ZBBX: variants seen among roughly 807,000 people sequenced by gnomAD.
The protein encoded by ZBBX is zinc finger B-box domain-containing protein 1.
A neutral mutation model predicts 108.5 loss-of-function variants in ZBBX; 101 were observed. That is an observed-to-expected ratio of 0.93 (90% CI 0.79 to 1.10). The LOEUF is 1.10. Among genes scored for constraint, ZBBX ranks in the 50% least tolerant of loss-of-function variants. The probability of loss-of-function intolerance (pLI) is 0.00; values close to 1 mark genes in which losing one functional copy is unlikely to be tolerated. For synonymous variants in ZBBX, 356 were observed against 323.4 expected, an observed-to-expected ratio of 1.10 and a Z score of -1.08; for missense variants, 1,009 against 941.4, an observed-to-expected ratio of 1.07 and a Z score of -0.94.
At chr3:167,201,935 T>C in the ZBBX span, among the ~76,000 whole-genome samples, 2 of 152,172 alleles carry the variant, frequency 1.3e-5, no homozygotes, top group Admixed American at 1.3e-4. Flanking sequence ...CACCAATGTA[T>C]GCATTATCTG....
chr3:167,181,870 G>C, the ZBBX span, among the ~76,000 whole-genome samples: 2 of 152,246 alleles, frequency 1.3e-5, no homozygotes, highest in East Asian at 3.9e-4. Flanking sequence ...ACTCCTGTTG[G>C]CACTTTTTGT....
At chr3:167,259,423 CTGTT>C (rs1724075378) in intron 20 of ZBBX, among the ~76,000 whole-genome samples, 1 of 152,000 alleles carries the variant, frequency 6.6e-6, no homozygotes, top group Non-Finnish European at 1.5e-5. Flanking sequence ...GAAGAACCAC[CTGTT>C]TGTTTCATTT....
At chr3:167,333,595 A>G (rs1027424985) in intron 10 of ZBBX, among the ~76,000 whole-genome samples, 1 of 152,226 alleles carries the variant, frequency 6.6e-6, no homozygotes, top group African/African-American at 2.4e-5. Flanking sequence ...CCAGAAAGAC[A>G]TATGGTCAAA....
intron 11 of ZBBX, among the ~76,000 whole-genome samples, chr3:167,326,172 C>T (rs1239861601): frequency 6.6e-6 from 1 of 152,040 alleles, no homozygotes; most frequent in Non-Finnish European, 1.5e-5. Context: ...TAAATCATGC[C>T]ATATAGAATA....
the ZBBX span, among the ~76,000 whole-genome samples, chr3:167,198,537 A>T: frequency 6.6e-6 from 1 of 152,190 alleles, no homozygotes; most frequent in Non-Finnish European, 1.5e-5. Context: ...TGGCTATTTC[A>T]AACAGAAAAA....
chr3:167,403,194 C>T (rs560745595), intron 1 of ZBBX, among the ~76,000 whole-genome samples: 1 of 152,090 alleles, frequency 6.6e-6, no homozygotes, highest in Admixed American at 6.6e-5. Flanking sequence ...TAACGGGTAC[C>T]ACAGTAAAGA....
intron 19 of ZBBX, among the ~76,000 whole-genome samples, chr3:167,285,756 G>T (rs940917061): frequency 6.6e-6 from 1 of 152,020 alleles, no homozygotes; most frequent in Non-Finnish European, 1.5e-5. Flanking sequence ...CAGGATTGGG[G>T]TATTCAAAAG....
At chr3:167,179,832 A>ATG in the ZBBX span, among the ~76,000 whole-genome samples, 1 of 152,228 alleles carries the variant, frequency 6.6e-6, no homozygotes, top group African/African-American at 2.4e-5. Flanking sequence ...CAATTAGTTA[A>ATG]TTTCAAAAAC....
chr3:167,294,502 A>C (rs1731284565), intron 18 of ZBBX, among the ~76,000 whole-genome samples: 1 of 152,158 alleles, frequency 6.6e-6, no homozygotes, highest in Admixed American at 6.6e-5. Context: ...TAGGCATAAA[A>C]CTGAAACTGG....
chr3:167,234,744 C>T, the ZBBX span, among the ~76,000 whole-genome samples: 1 of 151,730 alleles, frequency 6.6e-6, no homozygotes, highest in Non-Finnish European at 1.5e-5. Flanking sequence ...ATCCACTTTC[C>T]TCATCTTCTC....
At chr3:167,384,710 A>T (rs1054219666), upstream of ZBBX, among the ~76,000 whole-genome samples, 4 of 152,028 alleles carry the variant, frequency 2.6e-5, no homozygotes, top group Non-Finnish European at 4.4e-5. Context: ...AAATAGACCA[A>T]TATAAAACCC....
At chr3:167,277,127 C>T (rs1038293663) in intron 20 of ZBBX, among the ~76,000 whole-genome samples, 16 of 151,998 alleles carry the variant, frequency 1.1e-4, no homozygotes, top group Non-Finnish European at 1.9e-4. Context: ...CCGGTACCAG[C>T]TGCTGCAAAA....
At chr3:167,185,285 A>G in the ZBBX span, among the ~76,000 whole-genome samples, 1 of 152,218 alleles carries the variant, frequency 6.6e-6, no homozygotes, top group Non-Finnish European at 1.5e-5. Context: ...AGCTATGTAT[A>G]TAATTCCAGT....
intron 9 of ZBBX, 136 bp from the exon 10 acceptor site, chr3:167,334,121 T>A (rs1175958034): frequency 1.5e-6 from 1 of 661,624 alleles, no homozygotes; most frequent in East Asian, 3.1e-5. Flanking sequence ...AAAGACAAAT[T>A]GGCATTTGTA....
intron 18 of ZBBX, among the ~76,000 whole-genome samples, chr3:167,295,926 C>T (rs190424447): frequency 2.6e-5 from 4 of 151,032 alleles, no homozygotes; most frequent in Admixed American, 6.6e-5. Context: ...CTCGTTGATA[C>T]TAATGCCAAA....
chr3:167,357,180 GC>G (rs1432839971), intron 8 of ZBBX, among the ~76,000 whole-genome samples: 1 of 152,080 alleles, frequency 6.6e-6, no homozygotes, highest in African/African-American at 2.4e-5. Flanking sequence ...CAAGATTAGA[GC>G]CCTGTGGCAT....
intron 9 of ZBBX, among the ~76,000 whole-genome samples, chr3:167,344,082 T>C (rs1399028974): frequency 2.0e-5 from 3 of 151,846 alleles, no homozygotes; most frequent in Non-Finnish European, 2.9e-5. Context: ...TGGATGAACA[T>C]TGAAAACGTT....
chr3:167,186,808 T>A, the ZBBX span, among the ~76,000 whole-genome samples: 1 of 152,162 alleles, frequency 6.6e-6, no homozygotes, highest in East Asian at 1.9e-4. Context: ...GATAGAGGAA[T>A]GAAGTCACAT....
intron 20 of ZBBX, among the ~76,000 whole-genome samples, chr3:167,267,390 T>G (rs938154007): frequency 6.6e-6 from 1 of 152,158 alleles, no homozygotes; most frequent in Non-Finnish European, 1.5e-5. Flanking sequence ...GCAAGAAATT[T>G]CTAATATGAG....
Sources: gnomAD v4.1 joint callset for allele counts (sites outside exome capture counted in the v4.1 genomes callset) on GRCh38, gnomAD v4.1.1 for gene constraint, MANE v1.5 for transcripts, NCBI Gene and HGNC (gene_info 2026-07-23, HGNC 2026-07-21) for gene names.